ZNF700: variants seen among roughly 807,000 people sequenced by gnomAD.
The protein encoded by ZNF700 is zinc finger protein 700.
A neutral mutation model predicts 65.3 loss-of-function variants in ZNF700; 38 were observed. The observed-to-expected ratio is 0.58, with a 90% CI of 0.45 to 0.76. The LOEUF (loss-of-function observed/expected upper bound fraction) is 0.76, where lower values mean the gene tolerates loss of function less well. Among genes scored for constraint, ZNF700 ranks in the 30% least tolerant of loss-of-function variants. The pLI is 0.00. For missense variants in ZNF700, 857 were observed against 888.4 expected (o/e 0.96, Z 0.45); for synonymous variants, 285 against 290.4 (o/e 0.98, Z 0.19).
chr19:11,948,139 C>G, intron 3 of ZNF700, 137 bp from the exon 4 acceptor site: 1 of 1,005,468 alleles, frequency 9.9e-7, no homozygotes, highest in Non-Finnish European at 1.4e-6. Context: ...CATGTCCAGT[C>G]ACCTTCAAAC....
At chr19:11,925,953 G>A (rs540383201) in intron 1 of ZNF700, among the ~76,000 whole-genome samples, 1 of 152,194 alleles carries the variant, frequency 6.6e-6, no homozygotes, top group African/African-American at 2.4e-5. Flanking sequence ...TGCCTGAAAG[G>A]TGTAAGTTCC....
rs748739309 is a variant in ZNF700, at chr19:11,927,962, TTA to T, written c.63+2691_63+2692del. ...CAAAAGGCAAATAAATGTAACAGGA[TTA>T]TGTTTTCCATAGAAGGCTGATGTAT... On this transcript the variant is annotated intron_variant, in intron 1 of 3. Transcript: ENST00000254321. Among the ~76,000 whole-genome samples, 252 of 152,264 alleles carry T rather than the reference TTA, an allele frequency of 1.7e-3. 3 individuals are homozygous for T. The highest frequency in any genetic ancestry group is 7.8e-4 in the Non-Finnish European group (53 of 68,020).
Position 11,950,542 on chromosome 19 carries a change from A to C in ZNF700, c.*289A>C, listed in dbSNP as rs970246200. On this transcript the variant is annotated 3_prime_UTR_variant, in exon 4 of 4. Coordinates refer to ENST00000254321, the MANE Select transcript of ZNF700 (RefSeq NM_144566.3). ...GGAGTGAAACCCTATGAATGTAAGC[A>C]ATGTGGGAAAGCCTTCAGATGTGCC... 8 of 594,982 alleles carry C rather than the reference A, an allele frequency of 1.3e-5. No homozygotes were observed. The highest frequency in any genetic ancestry group is 2.2e-5 in the Non-Finnish European group (7 of 316,164). 36.9% of individuals were successfully genotyped at this position (594,982 alleles called of 1,614,324 possible). A position where few individuals can be genotyped will look rare whatever the true frequency, so the allele number is the denominator to read the frequency against.
At chr19:11,925,345 G>A in intron 1 of ZNF700, 72 bp downstream of exon 1, 2 of 1,590,246 alleles carry the variant, frequency 1.3e-6, no homozygotes, top group Non-Finnish European at 1.7e-6. Flanking sequence ...CGGCTGTGGC[G>A]GGACCCGGGC....
Position 11,948,271 on chromosome 19 carries a change from T to G in ZNF700, c.252-5T>G, listed in dbSNP as rs1972993297. On this transcript the variant is annotated splice_polypyrimidine_tract_variant and splice_region_variant and intron_variant, in intron 3 of 3. Transcript: ENST00000254321. ...CCTTCATGATGTGTTTCTCATGTTT[T>G]ACAGGAGTCTCATAGAAGAGAAAGT... 2.5e-6 allele frequency: 4 copies of G among 1,611,008 alleles called. No individual in the cohort carries two copies. Among genetic ancestry groups the G allele is most frequent in the Non-Finnish European group, 3.4e-6 (4 of 1,179,206 alleles).
At chr19:11,925,347 G>T in intron 1 of ZNF700, 74 bp downstream of exon 1, 1 of 1,589,070 alleles carries the variant, frequency 6.3e-7, no homozygotes, top group Non-Finnish European at 8.6e-7. Flanking sequence ...GCTGTGGCGG[G>T]ACCCGGGCCT....
intron 2 of ZNF700, 22 bp from the exon 3 acceptor site, chr19:11,947,492 T>A (rs1219072525): frequency 6.2e-7 from 1 of 1,611,052 alleles, no homozygotes; most frequent in Non-Finnish European, 8.5e-7. Context: ...TTCAGGACTA[T>A]TTTTCTGTGT....
At chr19:11,930,113 T>C (rs1972691744) in intron 1 of ZNF700, among the ~76,000 whole-genome samples, 1 of 147,992 alleles carries the variant, frequency 6.8e-6, no homozygotes, top group Admixed American at 6.6e-5. Context: ...GAATGACTAG[T>C]GGTGGAGGAG....
In ZNF700 at chr19:11,947,238, C is replaced by T. The variant is rs1972974714; in HGVS notation, c.121C>T (p.Leu41=). Residue 41 remains leucine (L), a synonymous_variant, in exon 2 of 4, where the codon CTG becomes TTG. Transcript: ENST00000254321. Reference sequence around the variant, plus strand: ...CTTCACCCAGGAAGAGTGGACATTGCTGGATATTTCCCAGAAGAATCTCTT... The same window carrying T: ...CTTCACCCAGGAAGAGTGGACATTGTTGGATATTTCCCAGAAGAATCTCTT... The part of the protein sequence containing the change: ...VNFTQEEWTL[L]DISQKNLFRE... 1 of 1,614,012 alleles carries T rather than the reference C, an allele frequency of 6.2e-7. No individual in the cohort carries two copies.
intron 1 of ZNF700, among the ~76,000 whole-genome samples, chr19:11,945,517 T>C (rs900604896): frequency 2.0e-5 from 3 of 152,094 alleles, no homozygotes; most frequent in Non-Finnish European, 2.9e-5. Flanking sequence ...GGACCTGGAT[T>C]CCTTCAAGAG....
chr19:11,930,097 G>A (rs992471112), intron 1 of ZNF700, among the ~76,000 whole-genome samples: 1 of 148,214 alleles, frequency 6.7e-6, no homozygotes, highest in Non-Finnish European at 1.5e-5. Context: ...TCCCAAGGGA[G>A]CAGCTGAATG....
chr19:11,939,547 A>G (rs968944959), intron 1 of ZNF700, among the ~76,000 whole-genome samples: 20 of 152,202 alleles, frequency 1.3e-4, no homozygotes, highest in South Asian at 4.2e-4. Context: ...TATGTGTGGT[A>G]TTATTTCTGA....
chr19:11,950,375 G>A lies in ZNF700; in HGVS notation c.*122G>A, dbSNP rs1044682775. On this transcript the variant is annotated 3_prime_UTR_variant, in exon 4 of 4. Transcript: ENST00000254321. ...CGATATCATGAAAGGACTCACACTG[G>A]GGAGAAACCCTATCAATGTAAGCAG... The A allele has an allele frequency of 4.9e-6, 5 of 1,013,026 alleles. No individual in the cohort carries two copies. The highest frequency in any genetic ancestry group is 1.6e-5 in the African/African-American group (1 of 61,710). The allele number at this position is 1,013,026 out of a possible 1,614,324, so 62.8% of individuals were successfully genotyped here.
In ZNF700 at chr19:11,934,994, T is replaced by G. The variant is rs565281494; in HGVS notation, c.63+9721T>G. ...AGATCAAGACCATCCTGGCTAACAC[T>G]GTGAAACCCCGTCTCTACTAAAAAT... On this transcript the variant is annotated intron_variant, in intron 1 of 3. Coordinates refer to ENST00000254321, the MANE Select transcript of ZNF700 (RefSeq NM_144566.3). Among the ~76,000 whole-genome samples the G allele has an allele frequency of 1.4e-3, 200 of 146,192 alleles. 5 individuals carry two copies. Among genetic ancestry groups the G allele is most frequent in the South Asian group, 2.1e-3 (10 of 4,738 alleles).
rs1397311140 is a variant in ZNF700, at chr19:11,949,075, A to G, written c.1051A>G (p.Thr351Ala). The change falls in exon 4 of 4, where the codon ACA (threonine) becomes GCA (alanine). Residue 351 changes from threonine (T) to alanine (A), a missense_variant. Physicochemically the swap from Thr to Ala is moderately conservative, Grantham distance 58 (BLOSUM62 0). Coordinates refer to ENST00000254321, the MANE Select transcript of ZNF700 (RefSeq NM_144566.3). ...EGLSYLISFQ[T>A]HIRMNSGERP... ...CTTATCCTATCTTATAAGTTTTCAA[A>G]CACACATAAGAATGAACTCTGGAGA... 1.2e-6 allele frequency: 2 copies of G among 1,609,644 alleles called. No individual in the cohort carries two copies. The highest frequency in any genetic ancestry group is 1.7e-6 in the Non-Finnish European group (2 of 1,179,160).
intron 1 of ZNF700, chr19:11,946,963 G>C (rs985964092): frequency 8.8e-6 from 8 of 913,800 alleles, no homozygotes; most frequent in Non-Finnish European, 1.0e-5. Context: ...ACTCCAGCCT[G>C]GGCAACAAGA....
At chr19:11,946,230 G>A (rs1231092164) in intron 1 of ZNF700, among the ~76,000 whole-genome samples, 1 of 152,064 alleles carries the variant, frequency 6.6e-6, no homozygotes, top group Non-Finnish European at 1.5e-5. Context: ...TAAATGAGCT[G>A]CCAAGGGAGG....
chr19:11,934,953 G>T (rs1167875286), intron 1 of ZNF700, among the ~76,000 whole-genome samples: 1 of 147,278 alleles, frequency 6.8e-6, no homozygotes, highest in Non-Finnish European at 1.5e-5. Context: ...GGCCAAGGCG[G>T]GTGGATCAGG....
Position 11,949,647 on chromosome 19 carries a change from T to C in ZNF700, c.1623T>C (p.Cys541=). The C allele has an allele frequency of 1.2e-6, 2 of 1,613,528 alleles. No individual in the cohort carries two copies. Among genetic ancestry groups the C allele is most frequent in the East Asian group, 2.2e-5 (1 of 44,826 alleles). ...TGEKPYECNQ[C]GKAFRCCNSL... The stretch of plus-strand genomic sequence containing the variant: ...AGAAACCCTATGAATGCAACCAATG[T>C]GGTAAAGCCTTCAGATGTTGCAATT... Residue 541 remains cysteine, a synonymous_variant, in exon 4 of 4, where the codon TGT becomes TGC. Coordinates refer to ENST00000254321, the MANE Select transcript of ZNF700 (RefSeq NM_144566.3).
Sources: allele counts gnomAD v4.1 joint callset (sites outside exome capture counted in the v4.1 genomes callset), GRCh38; gene constraint gnomAD v4.1.1; transcripts MANE v1.5; gene names NCBI Gene and HGNC (gene_info 2026-07-23, HGNC 2026-07-21).